LRP11: variants seen among roughly 807,000 people sequenced by gnomAD.
The protein encoded by LRP11 is low-density lipoprotein receptor-related protein 11.
LRP11 carries 25 observed loss-of-function variants against 43.1 expected under a neutral mutation model. The ratio of observed to expected loss-of-function variants is 0.58; its 90% CI spans 0.42 to 0.81. LRP11 has a LOEUF of 0.81. Among genes scored for constraint, LRP11 ranks in the 30% least tolerant of loss-of-function variants. The pLI is 0.00. For synonymous variants in LRP11, 316 were observed against 299.4 expected, an observed-to-expected ratio of 1.06 and a Z score of -0.57; for missense variants, 623 against 665.1, an observed-to-expected ratio of 0.94 and a Z score of 0.70.
Position 149,864,195 on chromosome 6 carries a change from G to C in LRP11, c.-175C>G. 1 of 1,122,612 alleles carries C rather than the reference G, an allele frequency of 8.9e-7. No homozygotes were observed. Among genetic ancestry groups the C allele is most frequent in the South Asian group, 4.4e-5 (1 of 22,564 alleles). 69.5% of individuals were successfully genotyped at this position (1,122,612 alleles called of 1,614,324 possible). ...TGCTCCCCCGAGGTCGCGGGCGCCG[G>C]CGGGAACCGCAGTAGCGGGAGACAT... On this transcript the variant is annotated 5_prime_UTR_variant, in exon 1 of 7. Transcript: ENST00000239367.
chr6:149,837,784 CTTCA>C (rs904342653), intron 3 of LRP11, among the ~76,000 whole-genome samples: 5 of 152,176 alleles, frequency 3.3e-5, no homozygotes, highest in African/African-American at 7.2e-5. Flanking sequence ...CTGTCTCCCT[CTTCA>C]TTCATTCATT....
intron 2 of LRP11, among the ~76,000 whole-genome samples, chr6:149,846,175 G>A (rs1260847732): frequency 1.3e-5 from 2 of 152,176 alleles, no homozygotes; most frequent in Non-Finnish European, 2.9e-5. Flanking sequence ...CAAAGACAGG[G>A]CAAGGTGCAG....
intron 1 of LRP11, among the ~76,000 whole-genome samples, chr6:149,862,963 G>GGC (rs1776945869): frequency 6.6e-6 from 1 of 152,110 alleles, no homozygotes. Flanking sequence ...TCCCATTTTT[G>GGC]TATGATGAAA....
At position 149,845,823 on chromosome 6, in the gene LRP11, A is replaced by G. The variant is rs910230653; in HGVS notation, c.772-2699T>C. On this transcript the variant is annotated intron_variant, in intron 2 of 6. Transcript: ENST00000239367. ...CAGATAAGATCAGAGAATCAGATAA[A>G]TAAGAGTGAAAACAAGACTAGAACT... Among the ~76,000 whole-genome samples, 3 of 151,960 alleles carry G rather than the reference A, an allele frequency of 2.0e-5. No homozygotes were observed. In the South Asian group the frequency reaches 6.2e-4, roughly 32 times the overall value.
chr6:149,828,495 T>C (rs1190900800), intron 5 of LRP11, among the ~76,000 whole-genome samples: 1 of 38,726 alleles, frequency 2.6e-5, no homozygotes, highest in Non-Finnish European at 3.8e-5. Context: ...TTTTATTTTC[T>C]TTTTTTTTTT....
Position 149,837,326 on chromosome 6 carries a change from T to C in LRP11, c.1039+12A>G. ...CCAGCCACTGCCTAGCAATGTGACA[T>C]AGCCAACTCACGATTCTGGCAGAAG... On this transcript the variant is annotated intron_variant, in intron 4 of 6. Transcript: ENST00000239367. The C allele has an allele frequency of 1.2e-6, 2 of 1,612,728 alleles. No individual in the cohort carries two copies. Among genetic ancestry groups the C allele is most frequent in the South Asian group, 1.1e-5 (1 of 90,946 alleles).
rs147244558 is a variant in LRP11, at chr6:149,832,253, G to A, written c.1252+3832C>T. On this transcript the variant is annotated intron_variant, in intron 5 of 6. Coordinates refer to ENST00000239367, the MANE Select transcript of LRP11 (RefSeq NM_032832.6). The stretch of plus-strand genomic sequence containing the variant: ...GTCACCTGGGCTGGAGTGCAGTGGC[G>A]CAATCTTGGCTCACTGCAACCTCCG... Among the ~76,000 whole-genome samples the A allele has an allele frequency of 4.8e-3, 706 of 147,390 alleles. 7 individuals carry two copies. The highest frequency in any genetic ancestry group is 0.017 in the African/African-American group (669 of 39,494).
At chr6:149,850,538 A>G (rs1210105542) in intron 2 of LRP11, among the ~76,000 whole-genome samples, 1 of 152,246 alleles carries the variant, frequency 6.6e-6, no homozygotes, top group East Asian at 1.9e-4. Context: ...TGAAGACTAC[A>G]CATATACAGG....
At chr6:149,846,137 A>G (rs1334719704) in intron 2 of LRP11, among the ~76,000 whole-genome samples, 2 of 152,074 alleles carry the variant, frequency 1.3e-5, no homozygotes, top group Non-Finnish European at 2.9e-5. Flanking sequence ...GCCTCTTCCC[A>G]TGGGCACCAG....
At position 149,853,067 on chromosome 6, in the gene LRP11, T is replaced by A. The variant is rs1054921109; in HGVS notation, c.707A>T (p.Asp236Val). 7.4e-6 allele frequency: 12 copies of A among 1,612,420 alleles called. No homozygotes were observed. The highest frequency in any genetic ancestry group is 6.7e-5 in the Admixed American group (4 of 59,824). ...CTCATACTGGACGATGGCGTGGTCA[T>A]CTGTGCTCTCGCGGCCGTCTAGAAC... ...GVVLDGREST[D>V]DHAIVQYEWA... Residue 236 changes from aspartate (D) to valine (V), a missense_variant, in exon 2 of 7, where the codon GAT (aspartate) becomes GTT (valine). Asp to Val is a radical substitution (Grantham distance 152, BLOSUM62 -3). Coordinates refer to ENST00000239367, the MANE Select transcript of LRP11 (RefSeq NM_032832.6).
intron 2 of LRP11, among the ~76,000 whole-genome samples, chr6:149,850,796 A>C (rs1347534360): frequency 6.6e-6 from 1 of 152,220 alleles, no homozygotes; most frequent in Non-Finnish European, 1.5e-5. Context: ...GTTAACCCTG[A>C]AGGATCCACT....
rs1040893939 is a variant in LRP11, at chr6:149,864,293, C to G, written c.-273G>C. ...AGCGCCCTGCGCCTCTCCGCCCCGGCCTGCGGCGCGCTGGGTGGCGACGAG... is the reference window on the plus strand; with the variant it reads ...AGCGCCCTGCGCCTCTCCGCCCCGGGCTGCGGCGCGCTGGGTGGCGACGAG... On this transcript the variant is annotated 5_prime_UTR_variant, in exon 1 of 7. Coordinates refer to ENST00000239367, the MANE Select transcript of LRP11 (RefSeq NM_032832.6). 5.8e-5 allele frequency: 61 copies of G among 1,046,040 alleles called. No homozygotes were observed. The highest frequency in any genetic ancestry group is 6.9e-5 in the Non-Finnish European group (60 of 870,572). 64.8% of individuals were successfully genotyped at this position (1,046,040 alleles called of 1,614,324 possible).
intron 5 of LRP11, among the ~76,000 whole-genome samples, chr6:149,828,502 T>TA (rs1420446730): frequency 6.6e-6 from 1 of 151,624 alleles, no homozygotes; most frequent in African/African-American, 2.4e-5. Context: ...TTCTTTTTTT[T>TA]TTTTGAGACA....
chr6:149,822,501 T>TAAA lies in LRP11; in HGVS notation c.1349-1801_1349-1799dup, dbSNP rs35135120. Among the ~76,000 whole-genome samples the TAAA allele has an allele frequency of 3.1e-3, 448 of 143,760 alleles. 5 individuals are homozygous for TAAA. The highest frequency in any genetic ancestry group is 0.01 in the African/African-American group (407 of 40,168). The allele number at this position is 143,760 out of a possible 152,430, so 94.3% of individuals were successfully genotyped here. The stretch of plus-strand genomic sequence containing the variant: ...TGGGTGGCAAAGTAAGATCCTGTCT[T>TAAA]AAAAAAAAAAAAAAAAAAGACTGAA... On this transcript the variant is annotated intron_variant, in intron 6 of 6. Transcript: ENST00000239367.
chr6:149,831,486 T>G (rs1360366158), intron 5 of LRP11, among the ~76,000 whole-genome samples: 1 of 152,200 alleles, frequency 6.6e-6, no homozygotes, highest in African/African-American at 2.4e-5. Flanking sequence ...AATCCAGCCA[T>G]TGTGCCTTTA....
chr6:149,838,139 G>A (rs904995055), intron 3 of LRP11, among the ~76,000 whole-genome samples: 2 of 151,634 alleles, frequency 1.3e-5, no homozygotes, highest in African/African-American at 4.8e-5. Context: ...GGCTGGTCTC[G>A]AACTCCTGAC....
rs565518729 is a variant in LRP11, at chr6:149,826,751, G to T, written c.1253-392C>A. ...GGGCATATATAAGGCATTTAGACATGCTCTTTCTCTTTCTCACAACTCTGG... is the reference window on the plus strand; with the variant it reads ...GGGCATATATAAGGCATTTAGACATTCTCTTTCTCTTTCTCACAACTCTGG... On this transcript the variant is annotated intron_variant, in intron 5 of 6. Transcript: ENST00000239367. Among the ~76,000 whole-genome samples, 211 of 152,220 alleles carry T rather than the reference G, an allele frequency of 1.4e-3. 1 individual carries two copies. The highest frequency in any genetic ancestry group is 2.4e-3 in the Non-Finnish European group (161 of 68,008).
Position 149,863,651 on chromosome 6 carries a change from C to T in LRP11, c.370G>A (p.Val124Met), listed in dbSNP as rs754973701. The T allele has an allele frequency of 5.3e-5, 78 of 1,472,796 alleles. 1 individual carries two copies. The highest frequency in any genetic ancestry group is 5.8e-5 in the Non-Finnish European group (65 of 1,118,818). The allele number at this position is 1,472,796 out of a possible 1,614,324, so 91.2% of individuals were successfully genotyped here. The change falls in exon 1 of 7, where the codon GTG becomes ATG. Residue 124 changes from valine (V) to methionine (M), a missense_variant. Coordinates refer to ENST00000239367, the MANE Select transcript of LRP11 (RefSeq NM_032832.6). Reference sequence around the variant, plus strand: ...GCCACGCATTGCCGCCAGCCCCGCACGGCCGCCGGCGCCCGCAGGAAGCTG... The same window carrying T: ...GCCACGCATTGCCGCCAGCCCCGCATGGCCGCCGGCGCCCGCAGGAAGCTG... ...GASFLRAPAA[V>M]RGWRQCVAAC...
In LRP11 at chr6:149,863,559, C is replaced by T; in HGVS notation, c.462G>A (p.Pro154=). ...AGAGGTAGCAGCCGAGCACGGCTGC[C>T]GGGGGCGCGGGGCGCCGGGGCAGCT... ...VVELPRRPAP[P]AAVLGCYLFN... Residue 154 remains proline, a synonymous_variant, in exon 1 of 7, where the codon CCG becomes CCA. Transcript: ENST00000239367. 7.3e-7 allele frequency: 1 copy of T among 1,376,522 alleles called. No individual in the cohort carries two copies. The highest frequency in any genetic ancestry group is 9.3e-7 in the Non-Finnish European group (1 of 1,072,188). The allele number at this position is 1,376,522 out of a possible 1,614,324, so 85.3% of individuals were successfully genotyped here.
Sources: gnomAD v4.1 joint callset for allele counts (sites outside exome capture counted in the v4.1 genomes callset) on GRCh38, gnomAD v4.1.1 for gene constraint, MANE v1.5 for transcripts, NCBI Gene and HGNC (gene_info 2026-07-23, HGNC 2026-07-21) for gene names.